SPAG16: variants seen among roughly 807,000 people sequenced by gnomAD.
The protein encoded by SPAG16 is sperm-associated antigen 16 protein.
Under a neutral mutation model 80.4 loss-of-function variants are expected in SPAG16, and 86 were observed. That is an observed-to-expected ratio of 1.07 (90% confidence interval 0.90 to 1.28). SPAG16 has a LOEUF of 1.28. Ranked by LOEUF, SPAG16 falls within the 50% of genes most tolerant of loss-of-function variation. SPAG16 has a pLI of 0.00. For synonymous variants in SPAG16, 294 were observed against 265.9 expected (o/e 1.11, Z -1.03); for missense variants, 870 against 765.3 (o/e 1.14, Z -1.61).
intron 10 of SPAG16, among the ~76,000 whole-genome samples, chr2:213,719,507 A>G (rs1050219869): frequency 3.5e-4 from 53 of 152,316 alleles, no homozygotes; most frequent in Non-Finnish European, 6.8e-4. Context: ...ACCAATCAGC[A>G]CCCTGACAAA....
intron 15 of SPAG16, among the ~76,000 whole-genome samples, chr2:214,242,933 A>G (rs1689594920): frequency 6.6e-6 from 1 of 152,140 alleles, no homozygotes; most frequent in South Asian, 2.1e-4. Flanking sequence ...TACCTCAGGA[A>G]TGACTCACTG....
chr2:214,011,218 T>G (rs1046372134), intron 12 of SPAG16, among the ~76,000 whole-genome samples: 1 of 146,026 alleles, frequency 6.8e-6, no homozygotes, highest in African/African-American at 2.7e-5. Flanking sequence ...TTAAAGATGA[T>G]TATTTCAAGA....
At chr2:213,689,207 C>A (rs1197313804) in intron 10 of SPAG16, among the ~76,000 whole-genome samples, 1 of 152,220 alleles carries the variant, frequency 6.6e-6, no homozygotes, top group Admixed American at 6.5e-5. Context: ...ATCCACCCAC[C>A]TCAGCCTTGC....
At chr2:213,702,525 G>A (rs889816173) in intron 10 of SPAG16, among the ~76,000 whole-genome samples, 6 of 152,106 alleles carry the variant, frequency 3.9e-5, no homozygotes, top group East Asian at 1.9e-4. Flanking sequence ...GTAACGCCGC[G>A]AGGGTCCACA....
At chr2:214,379,971 A>T (rs867440609) in intron 15 of SPAG16, among the ~76,000 whole-genome samples, 1 of 152,182 alleles carries the variant, frequency 6.6e-6, no homozygotes. Flanking sequence ...GACTTAATGG[A>T]CATAAATAAG....
At chr2:213,791,711 A>T (rs189839323) in intron 10 of SPAG16, among the ~76,000 whole-genome samples, 1 of 152,136 alleles carries the variant, frequency 6.6e-6, no homozygotes, top group Admixed American at 6.5e-5. Context: ...TGGGTTTTCT[A>T]AAATATATTC....
chr2:213,829,827 A>G (rs927723885), intron 10 of SPAG16, among the ~76,000 whole-genome samples: 3 of 152,122 alleles, frequency 2.0e-5, no homozygotes, highest in East Asian at 1.9e-4. Flanking sequence ...TAAGGGCCTC[A>G]TGACTTTACC....
chr2:214,191,362 A>G (rs1222651607), intron 15 of SPAG16, among the ~76,000 whole-genome samples: 3 of 152,062 alleles, frequency 2.0e-5, no homozygotes, highest in African/African-American at 7.2e-5. Flanking sequence ...CTTGAGCAGT[A>G]ATTTGCTCCT....
intron 13 of SPAG16, among the ~76,000 whole-genome samples, chr2:214,049,759 G>A (rs1267195384): frequency 1.3e-5 from 2 of 152,154 alleles, no homozygotes; most frequent in African/African-American, 4.8e-5. Context: ...GGACTCCTGT[G>A]AGCAGTATCT....
intron 10 of SPAG16, among the ~76,000 whole-genome samples, chr2:213,649,578 GTTTA>G: frequency 6.6e-6 from 1 of 152,114 alleles, no homozygotes. Flanking sequence ...ACTTTATTTT[GTTTA>G]TTTATTTATT....
chr2:214,090,818 C>T (rs1005426134), intron 13 of SPAG16, among the ~76,000 whole-genome samples: 2 of 151,944 alleles, frequency 1.3e-5, no homozygotes, highest in African/African-American at 2.4e-5. Flanking sequence ...TTAGTCTTTG[C>T]GTCCTTTGAG....
intron 10 of SPAG16, among the ~76,000 whole-genome samples, chr2:213,774,557 A>G (rs1260530979): frequency 3.9e-5 from 6 of 152,224 alleles, no homozygotes; most frequent in Non-Finnish European, 7.3e-5. Context: ...TTTCCAAATA[A>G]GTTCATATTC....
intron 10 of SPAG16, among the ~76,000 whole-genome samples, chr2:213,662,147 T>C (rs1388632447): frequency 6.7e-6 from 1 of 150,292 alleles, no homozygotes; most frequent in Non-Finnish European, 1.5e-5. Context: ...CTTATATAGT[T>C]GTGGGGAAAG....
chr2:213,294,455 C>T (rs2062420687), intron 1 of SPAG16, among the ~76,000 whole-genome samples: 2 of 152,176 alleles, frequency 1.3e-5, no homozygotes, highest in Admixed American at 6.5e-5. Context: ...AGGTATTTTA[C>T]TCCTTGTAGT....
chr2:213,508,263 C>G (rs1379773596), intron 10 of SPAG16, among the ~76,000 whole-genome samples: 1 of 152,166 alleles, frequency 6.6e-6, no homozygotes, highest in African/African-American at 2.4e-5. Context: ...CCATGGAATA[C>G]CATGCAGCCA....
intron 13 of SPAG16, among the ~76,000 whole-genome samples, chr2:214,056,311 A>G (rs1039503767): frequency 3.3e-5 from 5 of 149,446 alleles, no homozygotes; most frequent in Non-Finnish European, 7.4e-5. Context: ...ACACACACAC[A>G]CACGCATAGA....
chr2:213,918,549 C>T (rs1019081243), intron 11 of SPAG16, among the ~76,000 whole-genome samples: 2 of 152,036 alleles, frequency 1.3e-5, no homozygotes, highest in African/African-American at 4.8e-5. Flanking sequence ...CTGTGCTGTT[C>T]TTTTGTTAGT....
chr2:213,780,909 T>C (rs1305743075), intron 10 of SPAG16, among the ~76,000 whole-genome samples: 1 of 152,166 alleles, frequency 6.6e-6, no homozygotes, highest in Non-Finnish European at 1.5e-5. Flanking sequence ...TCTAATAGTA[T>C]ACATTACCAC....
intron 12 of SPAG16, among the ~76,000 whole-genome samples, chr2:213,964,876 A>C (rs1229284764): frequency 6.6e-6 from 1 of 152,170 alleles, no homozygotes; most frequent in Non-Finnish European, 1.5e-5. Context: ...ACTTAATAAG[A>C]CAATGCCATC....
Sources: gnomAD v4.1 joint callset for allele counts (sites outside exome capture counted in the v4.1 genomes callset) on GRCh38, gnomAD v4.1.1 for gene constraint, MANE v1.5 for transcripts, NCBI Gene and HGNC (gene_info 2026-07-23, HGNC 2026-07-21) for gene names.